The following ILKAP variants were observed in gnomAD, a reference collection of about 807,000 sequenced individuals.
ILKAP encodes the protein ILK associated serine/threonine phosphatase, also known as integrin-linked kinase-associated serine/threonine phosphatase 2C.
ILKAP carries 11 observed loss-of-function variants against 49.1 expected under a neutral mutation model. The ratio of observed to expected loss-of-function variants is 0.22; its 90% confidence interval spans 0.14 to 0.37. The LOEUF (loss-of-function observed/expected upper bound fraction) is 0.37, where lower values mean the gene tolerates loss of function less well. Ranked by LOEUF, ILKAP falls within the 10% of genes least tolerant of loss-of-function variation. The pLI is 1.00. For synonymous variants in ILKAP, 186 were observed against 192.8 expected, an observed-to-expected ratio of 0.96 and a Z score of 0.29; for missense variants, 363 against 510.8, an observed-to-expected ratio of 0.71 and a Z score of 2.79.
rs576223579 is a variant in ILKAP, at chr2:238,190,459, C to T, written c.179-487G>A. Among the ~76,000 whole-genome samples, 3 of 152,234 alleles carry T rather than the reference C, an allele frequency of 2.0e-5. No individual in the cohort carries two copies. The East Asian group carries it at 5.8e-4, about 29-fold the overall frequency. ...GCAAAATAAGGCTGCCACAGCTGTTCCCACTAGCAAAAGGATGAATCTGTA... is the reference window on the plus strand; with the variant it reads ...GCAAAATAAGGCTGCCACAGCTGTTTCCACTAGCAAAAGGATGAATCTGTA... On this transcript the variant is annotated intron_variant, in intron 3 of 11. Transcript: ENST00000254654.
At chr2:238,176,602 C>A (rs773301626) in intron 9 of ILKAP, among the ~76,000 whole-genome samples, 9 of 152,242 alleles carry the variant, frequency 5.9e-5, no homozygotes, top group Non-Finnish European at 1.3e-4. Context: ...TACTGTTGGA[C>A]AAGCTGTTCA....
intron 9 of ILKAP, among the ~76,000 whole-genome samples, chr2:238,175,217 G>GC (rs1480251814): frequency 6.6e-6 from 1 of 151,526 alleles, no homozygotes; most frequent in African/African-American, 2.4e-5. Context: ...TCCCACCTCA[G>GC]CCTCCTGAGT....
At chr2:238,170,784 G>T (rs764781577) in intron 11 of ILKAP, 108 bp from the exon 12 acceptor site, 5 of 1,558,058 alleles carry the variant, frequency 3.2e-6, no homozygotes, top group Non-Finnish European at 1.8e-6. Flanking sequence ...ATCAGGGCTG[G>T]CAGGACAAAC....
chr2:238,198,514 C>A (rs1562336), intron 1 of ILKAP, among the ~76,000 whole-genome samples: 42,115 of 152,124 alleles, frequency 0.28, 6,235 homozygotes, highest in South Asian at 0.37. Context: ...GCTGGGATTA[C>A]AGATGTGACC....
chr2:238,179,443 G>A (rs565883493), intron 9 of ILKAP, among the ~76,000 whole-genome samples: 6 of 152,264 alleles, frequency 3.9e-5, no homozygotes, highest in Non-Finnish European at 7.4e-5. Flanking sequence ...CAGAATGCCC[G>A]CTAATACATG....
intron 1 of ILKAP, among the ~76,000 whole-genome samples, chr2:238,198,579 G>A (rs1694441899): frequency 6.6e-6 from 1 of 152,076 alleles, no homozygotes; most frequent in East Asian, 1.9e-4. Context: ...CAAAGCATTG[G>A]GGGCTGCAAT....
intron 3 of ILKAP, among the ~76,000 whole-genome samples, chr2:238,193,949 C>T (rs3795904): frequency 0.28 from 42,257 of 152,138 alleles, 6,263 homozygotes; most frequent in South Asian, 0.37. Context: ...GAGTCAAGCA[C>T]TCTGTTTAAC....
chr2:238,196,304 T>C (rs971048377), intron 1 of ILKAP, among the ~76,000 whole-genome samples: 1 of 152,098 alleles, frequency 6.6e-6, no homozygotes, highest in Non-Finnish European at 1.5e-5. Context: ...TTGACCAGGC[T>C]AGTCTTGAAC....
intron 9 of ILKAP, among the ~76,000 whole-genome samples, chr2:238,180,184 GA>G (rs139146977): frequency 7.3e-5 from 11 of 150,152 alleles, no homozygotes; most frequent in African/African-American, 2.7e-4. Context: ...AAAAAAGAAA[GA>G]AAGAAAAAGA....
intron 5 of ILKAP, chr2:238,185,543 C>T (rs1449972750): frequency 3.3e-5 from 11 of 338,228 alleles, no homozygotes; most frequent in Admixed American, 2.3e-4. Flanking sequence ...GTGGCTCATG[C>T]CTGTAATCCC....
chr2:238,193,115 T>C (rs1694207706), intron 3 of ILKAP, among the ~76,000 whole-genome samples: 1 of 152,280 alleles, frequency 6.6e-6, no homozygotes, highest in Non-Finnish European at 1.5e-5. Context: ...GTAAATCTTC[T>C]AAATTTTTTA....
At position 238,189,905 on chromosome 2, in the gene ILKAP, G is replaced by T; in HGVS notation, c.246C>A (p.Ser82=). The T allele has an allele frequency of 3.7e-6, 6 of 1,613,724 alleles. No homozygotes were observed. The highest frequency in any genetic ancestry group is 4.2e-6 in the Non-Finnish European group (5 of 1,179,752). The change falls in exon 4 of 12, where the codon TCC becomes TCA. Residue 82 remains serine, a synonymous_variant. Coordinates refer to ENST00000254654, the MANE Select transcript of ILKAP (RefSeq NM_030768.3). ...CTTCACTGCCATTCTTCTCTTCCTC[G>T]GAGGTTTTTCTCTTTGCTCCTTTCC... ...TEGKGAKRKT[S]EEEKNGSEEL...
intron 10 of ILKAP, among the ~76,000 whole-genome samples, chr2:238,172,209 G>A (rs753634089): frequency 1.3e-5 from 2 of 151,900 alleles, no homozygotes; most frequent in African/African-American, 2.4e-5. Flanking sequence ...CCACCACCAC[G>A]CCTGGCTAAT....
chr2:238,190,867 C>T (rs1009362212), intron 3 of ILKAP, among the ~76,000 whole-genome samples: 6 of 103,740 alleles, frequency 5.8e-5, no homozygotes, highest in African/African-American at 7.9e-5. Flanking sequence ...AGTAGTAAGA[C>T]GTTTCTCTTT....
At chr2:238,175,606 G>C (rs1420325158) in intron 9 of ILKAP, among the ~76,000 whole-genome samples, 1 of 152,166 alleles carries the variant, frequency 6.6e-6, no homozygotes, top group Admixed American at 6.5e-5. Context: ...GCCAATCACA[G>C]AGTCCCATCT....
intron 3 of ILKAP, among the ~76,000 whole-genome samples, chr2:238,193,105 G>A (rs1193047638): frequency 6.6e-6 from 1 of 152,244 alleles, no homozygotes; most frequent in Non-Finnish European, 1.5e-5. Context: ...ATAGTGTTAT[G>A]TAAATCTTCT....
Position 238,184,087 on chromosome 2 carries a change from C to T in ILKAP, c.559G>A (p.Val187Met), listed in dbSNP as rs764544569. 4.4e-6 allele frequency: 7 copies of T among 1,606,234 alleles called. No homozygotes were observed. Among genetic ancestry groups the T allele is most frequent in the African/African-American group, 2.7e-5 (2 of 74,754 alleles). The change falls in exon 7 of 12, where the codon GTG becomes ATG. Residue 187 changes from valine (V) to methionine (M), a missense_variant. Physicochemically the swap from Val to Met is conservative, Grantham distance 21 (BLOSUM62 1). Around this residue, in one of 3 missense-constraint regions of ILKAP, gnomAD observed 166 missense variants for 307.3 expected, o/e 0.54. Coordinates refer to ENST00000254654, the MANE Select transcript of ILKAP (RefSeq NM_030768.3). Reference sequence around the variant, plus strand: ...AAAGTGTCCAAAAGGCATCTCTTCACGGTTTTCTCTACACTGATTACATCT... The same window carrying T: ...AAAGTGTCCAAAAGGCATCTCTTCATGGTTTTCTCTACACTGATTACATCT... The part of the protein sequence containing the change: ...KGDVISVEKT[V>M]KRCLLDTFKH...
At chr2:238,176,799 G>A (rs1693479548) in intron 9 of ILKAP, among the ~76,000 whole-genome samples, 1 of 152,242 alleles carries the variant, frequency 6.6e-6, no homozygotes, top group African/African-American at 2.4e-5. Flanking sequence ...GCAAGACACA[G>A]CTGGTCTCAA....
At chr2:238,192,056 CA>C (rs35275728) in intron 3 of ILKAP, among the ~76,000 whole-genome samples, 115,199 of 150,756 alleles carry the variant, frequency 0.76, 44,324 homozygotes, top group Middle Eastern at 0.89. Flanking sequence ...ACTGAAAATA[CA>C]AAAAATTAGC....
Sources: gnomAD v4.1 joint callset for allele counts (sites outside exome capture counted in the v4.1 genomes callset) on GRCh38, gnomAD v4.1.1 for gene constraint, gnomAD v4.1.1 regional missense constraint, MANE v1.5 for transcripts, NCBI Gene and HGNC (gene_info 2026-07-23, HGNC 2026-07-21) for gene names.